The following ZDHHC21 variants were observed in gnomAD, a reference collection of about 807,000 sequenced individuals.
ZDHHC21 encodes palmitoyltransferase ZDHHC21.
Under a neutral mutation model 34.6 loss-of-function variants are expected in ZDHHC21, and 15 were observed. The observed-to-expected ratio is 0.43, with a 90% CI of 0.29 to 0.67. The LOEUF is 0.67. Among genes scored for constraint, ZDHHC21 ranks in the 30% least tolerant of loss-of-function variants. ZDHHC21 has a pLI of 0.14. For missense variants in ZDHHC21, 344 were observed against 327.7 expected, an observed-to-expected ratio of 1.05 and a Z score of -0.38; for synonymous variants, 142 against 101.8, an observed-to-expected ratio of 1.40 and a Z score of -2.38.
intron 7 of ZDHHC21, among the ~76,000 whole-genome samples, chr9:14,640,569 C>A (rs188150320): frequency 1.3e-5 from 2 of 152,070 alleles, no homozygotes; most frequent in Non-Finnish European, 2.9e-5. Flanking sequence ...ATTCTTCCAT[C>A]CAGTCACCCA....
At chr9:14,603,559 G>A in the ZDHHC21 span, among the ~76,000 whole-genome samples, 1 of 152,134 alleles carries the variant, frequency 6.6e-6, no homozygotes, top group African/African-American at 2.4e-5. Context: ...ACCGTAACAT[G>A]AAAGATTTGG....
chr9:14,688,955 G>A (rs914137047), intron 2 of ZDHHC21, among the ~76,000 whole-genome samples: 4 of 152,084 alleles, frequency 2.6e-5, no homozygotes, highest in African/African-American at 9.7e-5. Flanking sequence ...GAAGTGGGAG[G>A]ATCGCTTAAG....
intron 8 of ZDHHC21, among the ~76,000 whole-genome samples, chr9:14,633,495 T>C (rs1036409094): frequency 6.6e-6 from 1 of 152,016 alleles, no homozygotes; most frequent in African/African-American, 2.4e-5. Flanking sequence ...TCATGCTGGG[T>C]CCCGCACAGC....
intron 1 of ZDHHC21, among the ~76,000 whole-genome samples, chr9:14,692,222 C>G (rs527325385): frequency 1.3e-5 from 2 of 152,106 alleles, no homozygotes; most frequent in Non-Finnish European, 2.9e-5. Context: ...CACCAAAAGC[C>G]TTTTAATCCA....
chr9:14,689,916 G>C (rs1410436945), intron 2 of ZDHHC21, among the ~76,000 whole-genome samples: 1 of 152,080 alleles, frequency 6.6e-6, no homozygotes, highest in Non-Finnish European at 1.5e-5. Flanking sequence ...AGCTTGGGAG[G>C]TGTGGGGTGA....
intron 8 of ZDHHC21, among the ~76,000 whole-genome samples, chr9:14,635,542 G>T (rs1175296029): frequency 6.6e-6 from 1 of 152,180 alleles, no homozygotes; most frequent in Admixed American, 6.5e-5. Flanking sequence ...TCAAAGTGCG[G>T]AACGAAAAAC....
intron 2 of ZDHHC21, among the ~76,000 whole-genome samples, chr9:14,684,646 C>T (rs1355823105): frequency 1.3e-5 from 2 of 151,906 alleles, no homozygotes; most frequent in Non-Finnish European, 2.9e-5. Context: ...TTTACAGATT[C>T]AATGCCATCC....
In ZDHHC21 at chr9:14,674,287, A is replaced by G; in HGVS notation, c.54T>C (p.Gly18=). 6.3e-7 allele frequency: 1 copy of G among 1,598,290 alleles called. No individual in the cohort carries two copies. Among genetic ancestry groups the G allele is most frequent in the East Asian group, 2.3e-5 (1 of 43,766 alleles). Residue 18 remains glycine (G), a synonymous_variant, in exon 4 of 10, where the codon GGT becomes GGC. Transcript: ENST00000380916. ...TGTATAACCAAACAAAGACAATCAA[A>G]CCCATGCAGCACCAACCATGTGGGT... is the stretch of plus-strand genomic sequence containing the variant. ...VVDPHGWCCM[G]LIVFVWLYNI...
chr9:14,622,293 A>C (rs1247576273), intron 8 of ZDHHC21, among the ~76,000 whole-genome samples: 1 of 152,030 alleles, frequency 6.6e-6, no homozygotes, highest in African/African-American at 2.4e-5. Flanking sequence ...TATTTTATCT[A>C]ATATTTTATC....
At chr9:14,619,713 TA>T in intron 8 of ZDHHC21, 31 bp from the exon 9 acceptor site, 1 of 1,204,418 alleles carries the variant, frequency 8.3e-7, no homozygotes, top group Non-Finnish European at 1.1e-6. Flanking sequence ...TATTCAGATG[TA>T]AGAAAGTTAT....
In ZDHHC21 at chr9:14,633,977, G is replaced by T. The variant is rs531967251; in HGVS notation, c.621+5919C>A. Among the ~76,000 whole-genome samples the T allele has an allele frequency of 2.0e-5, 3 of 152,262 alleles. No homozygotes were observed. The South Asian group carries it at 6.2e-4, about 32-fold the overall frequency. ...CCACTGGGTGAATGTACCACCAGGGGACCTGAGGCTAGGTCTCCCCAACCC... is the reference window on the plus strand; with the variant it reads ...CCACTGGGTGAATGTACCACCAGGGTACCTGAGGCTAGGTCTCCCCAACCC... On this transcript the variant is annotated intron_variant, in intron 8 of 9. Transcript: ENST00000380916.
At chr9:14,603,085 G>A in the ZDHHC21 span, among the ~76,000 whole-genome samples, 7 of 152,000 alleles carry the variant, frequency 4.6e-5, no homozygotes, top group Non-Finnish European at 8.8e-5. Context: ...AAACTTTTTG[G>A]GTGATTGAAT....
intron 8 of ZDHHC21, among the ~76,000 whole-genome samples, chr9:14,639,049 C>G (rs1828822932): frequency 2.0e-5 from 3 of 151,976 alleles, no homozygotes; most frequent in Non-Finnish European, 2.9e-5. Flanking sequence ...AAAGGGATGC[C>G]TGCACTTGCA....
chr9:14,654,836 G>A (rs1193437947), intron 7 of ZDHHC21, among the ~76,000 whole-genome samples: 1 of 151,930 alleles, frequency 6.6e-6, no homozygotes, highest in Non-Finnish European at 1.5e-5. Context: ...AATAAAAAAG[G>A]AAAGTTAAGA....
rs200968015 is a variant in ZDHHC21 at position 14,658,735 on chromosome 9, T to A, written c.504+14A>T. 66 of 1,612,392 alleles carry A rather than the reference T, an allele frequency of 4.1e-5. No individual in the cohort carries two copies. Among genetic ancestry groups the A allele is most frequent in the Non-Finnish European group, 5.3e-5 (62 of 1,179,090 alleles). On this transcript the variant is annotated intron_variant, in intron 7 of 9. Transcript: ENST00000380916. Reference sequence around the variant, plus strand: ...ATCCGCCCGCCTCGGCCTCCCAATATAAACATTTCTTACCAAATTACGCTT... The same window carrying A: ...ATCCGCCCGCCTCGGCCTCCCAATAAAAACATTTCTTACCAAATTACGCTT...
intron 7 of ZDHHC21, among the ~76,000 whole-genome samples, chr9:14,640,215 C>T (rs1222498262): frequency 6.7e-6 from 1 of 149,256 alleles, no homozygotes; most frequent in Non-Finnish European, 1.5e-5. Context: ...CAATAGCAAG[C>T]TGGAAAATAC....
chr9:14,647,485 T>C (rs539658639), intron 7 of ZDHHC21, among the ~76,000 whole-genome samples: 4 of 152,272 alleles, frequency 2.6e-5, no homozygotes, highest in Admixed American at 2.0e-4. Context: ...ATTTCAAGTA[T>C]GTCACCTTAT....
chr9:14,666,076 C>T (rs1301459471), intron 5 of ZDHHC21, among the ~76,000 whole-genome samples: 1 of 149,678 alleles, frequency 6.7e-6, no homozygotes, highest in Admixed American at 6.7e-5. Context: ...GAGTCAAGAC[C>T]CATCACTGTG....
intron 1 of ZDHHC21, among the ~76,000 whole-genome samples, chr9:14,692,639 C>T (rs2131739876): frequency 7.0e-6 from 1 of 142,304 alleles, no homozygotes; most frequent in South Asian, 2.6e-4. Flanking sequence ...CGACCTGTTA[C>T]AGTGAACAGT....
Sources: allele counts gnomAD v4.1 joint callset (sites outside exome capture counted in the v4.1 genomes callset), GRCh38; gene constraint gnomAD v4.1.1; transcripts MANE v1.5; gene names NCBI Gene and HGNC (gene_info 2026-07-23, HGNC 2026-07-21).